Variants in SMYD3 observed in about 807,000 individuals in gnomAD.
The protein encoded by SMYD3 is SET and MYND domain containing 3.
Under a neutral mutation model 57.7 loss-of-function variants are expected in SMYD3, and 36 were observed. That is an observed-to-expected ratio of 0.62 (90% confidence interval 0.48 to 0.82). The LOEUF (loss-of-function observed/expected upper bound fraction) is 0.82, where lower values mean the gene tolerates loss of function less well. Among genes scored for constraint, SMYD3 ranks in the 40% least tolerant of loss-of-function variants. SMYD3 has a pLI of 0.00. For missense variants in SMYD3, 515 were observed against 538.8 expected, an observed-to-expected ratio of 0.96 and a Z score of 0.44; for synonymous variants, 211 against 195.0, an observed-to-expected ratio of 1.08 and a Z score of -0.68.
At position 246,473,289 on chromosome 1, in the gene SMYD3, T is replaced by C. The variant is rs138040664; in HGVS notation, c.164+33765A>G. ...TCTACATCTTGGAGATAAATAGCAC[T>C]TCAGCAGTTTGAGTTCAGAATATAT... is the stretch of plus-strand genomic sequence containing the variant. On this transcript the variant is annotated intron_variant, in intron 1 of 11. Transcript: ENST00000490107. Among the ~76,000 whole-genome samples the C allele has an allele frequency of 3.9e-5, 6 of 152,358 alleles. No homozygotes were observed. The East Asian group carries it at 1.2e-3, about 29-fold the overall frequency.
intron 5 of SMYD3, among the ~76,000 whole-genome samples, chr1:246,088,477 A>G (rs74610522): frequency 0.056 from 6,004 of 107,306 alleles, 364 homozygotes; most frequent in African/African-American, 0.19. Flanking sequence ...GGGCGTGGTG[A>G]CAGGCGCCTG....
intron 5 of SMYD3, among the ~76,000 whole-genome samples, chr1:246,147,270 C>T (rs937726647): frequency 6.6e-6 from 1 of 152,026 alleles, no homozygotes; most frequent in Non-Finnish European, 1.5e-5. Flanking sequence ...GCAGCAGCTT[C>T]GATATTTATT....
At position 246,139,691 on chromosome 1, in the gene SMYD3, A is replaced by G. The variant is rs76107120; in HGVS notation, c.531+187510T>C. On this transcript the variant is annotated intron_variant, in intron 5 of 11. Transcript: ENST00000490107. ...TTGATATGTGCTAATATTACACAGA[A>G]AATCCAAGATGGTTAACAATGGTGG... Among the ~76,000 whole-genome samples, 1,182 of 152,322 alleles carry G rather than the reference A, an allele frequency of 7.8e-3. 11 individuals are homozygous for G. Among genetic ancestry groups the G allele is most frequent in the African/African-American group, 0.027 (1,102 of 41,564 alleles).
chr1:246,481,621 T>TATATATATATATATACACACACACACAC (rs1307881494), intron 1 of SMYD3, among the ~76,000 whole-genome samples: 11 of 98,548 alleles, frequency 1.1e-4, no homozygotes, highest in African/African-American at 3.7e-4. Context: ...CATACATATA[T>TATATATATATATATACACACACACACAC]ACATACATAC....
At chr1:246,005,097 T>A (rs2059146265) in intron 5 of SMYD3, among the ~76,000 whole-genome samples, 1 of 152,148 alleles carries the variant, frequency 6.6e-6, no homozygotes, top group Non-Finnish European at 1.5e-5. Flanking sequence ...CATCTGCCCA[T>A]CTTGGCCTCC....
intron 5 of SMYD3, among the ~76,000 whole-genome samples, chr1:246,091,129 T>C (rs768594451): frequency 1.6e-4 from 25 of 152,174 alleles, no homozygotes; most frequent in Non-Finnish European, 2.8e-4. Flanking sequence ...AAGACTGGGA[T>C]GCCAGGCGTA....
chr1:246,401,514 G>T (rs1338032110), intron 1 of SMYD3, among the ~76,000 whole-genome samples: 1 of 151,898 alleles, frequency 6.6e-6, no homozygotes, highest in East Asian at 1.9e-4. Context: ...TGTATTTTTA[G>T]TAGAGATAGG....
chr1:246,344,265 T>G (rs2065676871), intron 2 of SMYD3, among the ~76,000 whole-genome samples: 1 of 152,194 alleles, frequency 6.6e-6, no homozygotes, highest in Non-Finnish European at 1.5e-5. Context: ...AAAGTTCCCT[T>G]GTGCCCCTTA....
chr1:246,254,042 T>C (rs2063839097), intron 5 of SMYD3, among the ~76,000 whole-genome samples: 1 of 152,186 alleles, frequency 6.6e-6, no homozygotes, highest in Non-Finnish European at 1.5e-5. Context: ...ATAATAGGCA[T>C]TCTATTAAAA....
At chr1:246,205,540 G>T (rs189570719) in intron 5 of SMYD3, among the ~76,000 whole-genome samples, 1 of 152,170 alleles carries the variant, frequency 6.6e-6, no homozygotes, top group African/African-American at 2.4e-5. Context: ...TCCCAGTTCC[G>T]GCCCAGCGTG....
At chr1:246,387,407 G>A (rs1029620697) in intron 1 of SMYD3, among the ~76,000 whole-genome samples, 10 of 152,292 alleles carry the variant, frequency 6.6e-5, no homozygotes, top group East Asian at 1.9e-4. Flanking sequence ...GGCCCTCAAC[G>A]GCATTTAAAG....
At chr1:246,114,410 G>A (rs2061308494) in intron 5 of SMYD3, among the ~76,000 whole-genome samples, 1 of 152,218 alleles carries the variant, frequency 6.6e-6, no homozygotes, top group South Asian at 2.1e-4. Context: ...CCCGATGGGG[G>A]AGAACAATTG....
intron 1 of SMYD3, chr1:246,483,603 T>C (rs772169701): frequency 1.3e-5 from 2 of 152,196 alleles, no homozygotes; most frequent in Admixed American, 1.3e-4. Flanking sequence ...TAAAGGACCA[T>C]TTAAGGGAAA....
intron 2 of SMYD3, among the ~76,000 whole-genome samples, chr1:246,348,077 T>TATATATATATATATATATATACACAC: frequency 4.6e-5 from 4 of 86,488 alleles, no homozygotes; most frequent in Admixed American, 1.4e-4. Flanking sequence ...TATATATATA[T>TATATATATATATATATATATACACAC]ACACACACAC....
At chr1:245,877,309 C>G (rs909101462) in intron 8 of SMYD3, among the ~76,000 whole-genome samples, 1 of 151,952 alleles carries the variant, frequency 6.6e-6, no homozygotes, top group African/African-American at 2.4e-5. Context: ...AACGGTTCAT[C>G]GGGGGAAAGG....
intron 5 of SMYD3, among the ~76,000 whole-genome samples, chr1:246,184,056 C>G (rs1017300938): frequency 3.9e-5 from 6 of 152,144 alleles, no homozygotes; most frequent in Non-Finnish European, 1.5e-5. Flanking sequence ...TATTTTAAAC[C>G]AAGTAAGCCA....
intron 10 of SMYD3, among the ~76,000 whole-genome samples, chr1:245,826,559 C>T (rs906417598): frequency 6.6e-6 from 1 of 152,178 alleles, no homozygotes; most frequent in South Asian, 2.1e-4. Flanking sequence ...CATTTTATTT[C>T]CCACGCCAAG....
intron 5 of SMYD3, among the ~76,000 whole-genome samples, chr1:246,228,705 C>A (rs1005655695): frequency 1.3e-5 from 2 of 152,158 alleles, no homozygotes; most frequent in Non-Finnish European, 2.9e-5. Context: ...TACTGCTATT[C>A]CTTTCTGTAT....
chr1:246,238,893 G>GTTTT (rs35415664), intron 5 of SMYD3, among the ~76,000 whole-genome samples: 77 of 133,120 alleles, frequency 5.8e-4, no homozygotes, highest in African/African-American at 1.8e-3. Context: ...TCTTTGTTTG[G>GTTTT]TTTTTTTTTT....
Sources: gnomAD v4.1 joint callset for allele counts (sites outside exome capture counted in the v4.1 genomes callset) on GRCh38, gnomAD v4.1.1 for gene constraint, MANE v1.5 for transcripts, NCBI Gene and HGNC (gene_info 2026-07-23, HGNC 2026-07-21) for gene names.